The following PCDHA5 variants were observed in gnomAD, a reference collection of about 807,000 sequenced individuals.
PCDHA5 encodes the protein protocadherin alpha 5.
Under a neutral mutation model 61.6 loss-of-function variants are expected in PCDHA5, and 43 were observed. That is an observed-to-expected ratio of 0.70 (90% CI 0.55 to 0.90). The LOEUF is 0.90. Ranked by LOEUF, PCDHA5 falls within the 40% of genes least tolerant of loss-of-function variation. PCDHA5 has a pLI of 0.00. For missense variants in PCDHA5, 1,298 were observed against 1,222.7 expected, an observed-to-expected ratio of 1.06 and a Z score of -0.92; for synonymous variants, 627 against 543.9, an observed-to-expected ratio of 1.15 and a Z score of -2.13.
chr5:140,834,356 G>A, intron 1 of PCDHA5: 1 of 1,542,744 alleles, frequency 6.5e-7, no homozygotes, highest in Non-Finnish European at 8.7e-7. Context: ...AAGTTTTGCT[G>A]ACTAGAAAAA....
intron 1 of PCDHA5, chr5:140,853,974 A>G: frequency 1.7e-6 from 1 of 605,490 alleles, no homozygotes; most frequent in Non-Finnish European, 2.1e-6. Flanking sequence ...GCAGTTTGAG[A>G]CCAATGTAGT....
At chr5:140,968,592 C>G (rs1554230905) in intron 1 of PCDHA5, 1 of 1,614,208 alleles carries the variant, frequency 6.2e-7, no homozygotes, top group African/African-American at 1.3e-5. Flanking sequence ...AAAGTCATAG[C>G]TATGGACTCA....
intron 1 of PCDHA5, chr5:140,927,048 G>C: frequency 6.2e-7 from 1 of 1,612,122 alleles, no homozygotes; most frequent in Non-Finnish European, 8.5e-7. Flanking sequence ...CTATGTCCTC[G>C]CGGAACTTTC....
chr5:140,854,758 C>T (rs2150321610), intron 1 of PCDHA5: 1 of 149,590 alleles, frequency 6.7e-6, no homozygotes, highest in South Asian at 2.1e-4. Context: ...ATTACATTTT[C>T]ATTCCTGAAT....
chr5:140,882,798 A>G, intron 1 of PCDHA5: 1 of 1,614,236 alleles, frequency 6.2e-7, no homozygotes, highest in South Asian at 1.1e-5. Context: ...CCCAACGATT[A>G]TTTCACTTTG....
At position 140,858,521 on chromosome 5, in the gene PCDHA5, A is replaced by T. The variant is rs782589492; in HGVS notation, c.2352+34394A>T. 6.3e-6 allele frequency: 9 copies of T among 1,420,880 alleles called. 2 individuals are homozygous for T. The African/African-American group carries it at 1.3e-4, about 20-fold the overall frequency. 88.0% of individuals were successfully genotyped at this position (1,420,880 alleles called of 1,614,324 possible). ...CATTTTCTCAAATATGTATCAGAAT[A>T]TTTCATTTTTGTCTACATTCCATTT... On this transcript the variant is annotated intron_variant, in intron 1 of 3. Transcript: ENST00000529859.
At chr5:140,976,718 C>A (rs2096728735) in intron 1 of PCDHA5, among the ~76,000 whole-genome samples, 1 of 152,096 alleles carries the variant, frequency 6.6e-6, no homozygotes, top group South Asian at 2.1e-4. Context: ...CATTATAGTT[C>A]ATTTATTTAA....
intron 1 of PCDHA5, chr5:140,853,093 A>T (rs1554146395): frequency 9.0e-6 from 3 of 333,900 alleles, no homozygotes; most frequent in Non-Finnish European, 1.3e-5. Context: ...GTTAGTCAGG[A>T]TGGTCTCGAT....
intron 1 of PCDHA5, chr5:140,856,196 G>T: frequency 6.3e-7 from 1 of 1,598,194 alleles, no homozygotes; most frequent in Non-Finnish European, 8.6e-7. Flanking sequence ...CATCGCGCAG[G>T]ACCTGGGGCT....
intron 1 of PCDHA5, among the ~76,000 whole-genome samples, chr5:140,954,419 T>TG (rs1413660060): frequency 1.3e-5 from 2 of 151,998 alleles, no homozygotes; most frequent in African/African-American, 4.8e-5. Context: ...AAGGTGTTCC[T>TG]TTTTCTCCAT....
intron 1 of PCDHA5, among the ~76,000 whole-genome samples, chr5:140,947,556 A>C (rs1281977555): frequency 1.3e-5 from 2 of 151,584 alleles, no homozygotes; most frequent in Admixed American, 6.6e-5. Flanking sequence ...TTCCGCTGGG[A>C]TTTATATTGG....
At chr5:140,897,154 T>C (rs530327361) in intron 1 of PCDHA5, among the ~76,000 whole-genome samples, 1 of 152,332 alleles carries the variant, frequency 6.6e-6, no homozygotes, top group African/African-American at 2.4e-5. Context: ...TTAACCATTC[T>C]TCTACTGTCT....
intron 1 of PCDHA5, chr5:140,966,319 G>T: frequency 2.6e-6 from 1 of 388,824 alleles, no homozygotes; most frequent in Admixed American, 4.5e-5. Context: ...CCTGCGGTCC[G>T]CTGGGATCCG....
rs2150465616 is a variant in PCDHA5, at chr5:140,850,062, T to C, written c.2352+25935T>C. ...CGGCAAGGTGTACGCGCTGCAGCCG[T>C]TGGACCACGAGGAGCTGGAGCTGCT... On this transcript the variant is annotated intron_variant, in intron 1 of 3. Transcript: ENST00000529859. 1.4e-4 allele frequency: 229 copies of C among 1,596,236 alleles called. 16 individuals are homozygous for C. The highest frequency in any genetic ancestry group is 1.1e-3 in the East Asian group (50 of 44,828).
chr5:140,831,527 T>A (rs2150196038), intron 1 of PCDHA5, among the ~76,000 whole-genome samples: 12 of 148,212 alleles, frequency 8.1e-5, no homozygotes, highest in Non-Finnish European at 1.8e-4. Context: ...CACCTTTTTT[T>A]TTTTTTTTTT....
chr5:140,842,094 G>C (rs2150329211), intron 1 of PCDHA5: 1 of 1,613,884 alleles, frequency 6.2e-7, no homozygotes, highest in South Asian at 1.1e-5. Context: ...GCAGACAACG[G>C]AACAACAGTT....
chr5:140,828,895 T>C (rs1770010925), intron 1 of PCDHA5: 1 of 1,614,106 alleles, frequency 6.2e-7, no homozygotes, highest in African/African-American at 1.3e-5. Flanking sequence ...ATGCTTCTGA[T>C]CGGGATGAAG....
chr5:140,829,006 G>A (rs1461525244), intron 1 of PCDHA5: 2 of 1,613,752 alleles, frequency 1.2e-6, no homozygotes, highest in African/African-American at 1.3e-5. Context: ...TAGTGATTCG[G>A]GGTAATTTGG....
At chr5:140,834,553 C>T (rs2150220861) in intron 1 of PCDHA5, 19 of 1,614,022 alleles carry the variant, frequency 1.2e-5, no homozygotes, top group Non-Finnish European at 1.6e-5. Flanking sequence ...CTGGAGCTGG[C>T]GGAGCTGGTG....
Sources: gnomAD v4.1 joint callset for allele counts (sites outside exome capture counted in the v4.1 genomes callset) on GRCh38, gnomAD v4.1.1 for gene constraint, MANE v1.5 for transcripts, NCBI Gene and HGNC (gene_info 2026-07-23, HGNC 2026-07-21) for gene names.